The following PSD3 variants were observed in gnomAD, a reference collection of about 807,000 sequenced individuals.
PSD3 encodes the protein PH and SEC7 domain-containing protein 3.
A neutral mutation model predicts 105.5 loss-of-function variants in PSD3; 49 were observed. The observed-to-expected ratio is 0.46, with a 90% CI of 0.37 to 0.59. The LOEUF is 0.59. Among genes scored for constraint, PSD3 ranks in the 20% least tolerant of loss-of-function variants. PSD3 has a pLI of 0.00. For missense variants in PSD3, 1,561 were observed against 1,263.8 expected (o/e 1.24, Z -3.57); for synonymous variants, 557 against 457.8 (o/e 1.22, Z -2.77).
chr8:18,804,801 T>C lies in PSD3; in HGVS notation c.1732A>G (p.Thr578Ala). The C allele has an allele frequency of 1.2e-6, 2 of 1,614,094 alleles. No individual in the cohort carries two copies. The highest frequency in any genetic ancestry group is 1.7e-6 in the Non-Finnish European group (2 of 1,179,962). Reference sequence around the variant, plus strand: ...TTGGCTGCTTCCACATTGCTGCTGGTACCATTACTGAGATTTTCTGGGGTC... The same window carrying C: ...TTGGCTGCTTCCACATTGCTGCTGGCACCATTACTGAGATTTTCTGGGGTC... ...KETPENLSNG[T>A]SSNVEAAKRL... is the part of the protein sequence containing the mutation. The change falls in exon 5 of 16, where the codon ACC becomes GCC. Residue 578 changes from threonine (T) to alanine (A), a missense_variant. By Grantham distance (58) the Thr-to-Ala change is moderately conservative (BLOSUM62 0). Transcript: ENST00000327040.
At chr8:18,927,268 C>T (rs1821434562) in intron 2 of PSD3, among the ~76,000 whole-genome samples, 1 of 152,066 alleles carries the variant, frequency 6.6e-6, no homozygotes, top group Non-Finnish European at 1.5e-5. Flanking sequence ...GGCTGGGGTG[C>T]AAGGGCGCAA....
chr8:18,670,711 AT>A (rs1035213111), intron 9 of PSD3, among the ~76,000 whole-genome samples: 2 of 152,204 alleles, frequency 1.3e-5, no homozygotes, highest in South Asian at 2.1e-4. Context: ...ACATTAAGAG[AT>A]AAAGGAAAGA....
At chr8:18,718,907 A>T (rs1339867521) in intron 9 of PSD3, among the ~76,000 whole-genome samples, 1 of 152,182 alleles carries the variant, frequency 6.6e-6, no homozygotes, top group Non-Finnish European at 1.5e-5. Context: ...AAAAGCCAAG[A>T]CAACATTCAA....
At chr8:18,559,655 T>A (rs1801277220) in intron 14 of PSD3, among the ~76,000 whole-genome samples, 1 of 152,152 alleles carries the variant, frequency 6.6e-6, no homozygotes, top group African/African-American at 2.4e-5. Context: ...TTTGGATCTA[T>A]GCAAATATGC....
intron 9 of PSD3, among the ~76,000 whole-genome samples, chr8:18,691,816 C>A (rs1021924190): frequency 1.3e-5 from 2 of 152,176 alleles, no homozygotes; most frequent in Non-Finnish European, 2.9e-5. Context: ...TTGTGCTTCA[C>A]ATCAAAGACA....
Position 18,658,784 on chromosome 8 carries a change from G to C in PSD3, c.2173-3099C>G, listed in dbSNP as rs553015402. On this transcript the variant is annotated intron_variant, in intron 9 of 15. Coordinates refer to ENST00000327040, the MANE Select transcript of PSD3 (RefSeq NM_015310.4). ...TAAACACTACCTTAAGGGTAAGGAG[G>C]CCTAATAATTAATGTAGTCAGATCA... 1.0e-4 allele frequency among the ~76,000 whole-genome samples: 15 copies of C among 150,324 alleles called. No homozygotes were observed. The South Asian group carries it at 2.7e-3, about 27-fold the overall frequency.
intron 9 of PSD3, among the ~76,000 whole-genome samples, chr8:18,744,316 T>A (rs1485567634): frequency 1.3e-5 from 2 of 152,130 alleles, no homozygotes; most frequent in Non-Finnish European, 2.9e-5. Flanking sequence ...TTCCCCAAGG[T>A]CACAGAATTG....
At chr8:19,038,284 C>T (rs891885781) in intron 1 of PSD3, among the ~76,000 whole-genome samples, 2 of 152,110 alleles carry the variant, frequency 1.3e-5, no homozygotes, top group African/African-American at 4.8e-5. Flanking sequence ...TTTTATGTTC[C>T]TCTCTTACCG....
chr8:18,657,026 A>G (rs572904895), intron 9 of PSD3, among the ~76,000 whole-genome samples: 1 of 152,360 alleles, frequency 6.6e-6, no homozygotes, highest in East Asian at 1.9e-4. Context: ...TTTTCCTCAA[A>G]GAATGACTTG....
At chr8:18,882,428 T>A (rs1818167084) in intron 2 of PSD3, among the ~76,000 whole-genome samples, 1 of 152,106 alleles carries the variant, frequency 6.6e-6, no homozygotes, top group East Asian at 1.9e-4. Flanking sequence ...GGACCATGAA[T>A]GCATCAAGCA....
chr8:18,814,714 G>A (rs1156566672), intron 4 of PSD3, among the ~76,000 whole-genome samples: 1 of 152,164 alleles, frequency 6.6e-6, no homozygotes, highest in Non-Finnish European at 1.5e-5. Context: ...AAGCTTCTTT[G>A]GGCAAGGTAG....
chr8:18,606,081 G>T (rs892489777), intron 11 of PSD3, among the ~76,000 whole-genome samples: 1 of 152,122 alleles, frequency 6.6e-6, no homozygotes, highest in Non-Finnish European at 1.5e-5. Flanking sequence ...CTAAGCACAG[G>T]TTTCTTTAAT....
intron 9 of PSD3, chr8:18,730,250 T>C (rs193243781): frequency 6.6e-6 from 1 of 152,336 alleles, no homozygotes; most frequent in African/African-American, 2.4e-5. Flanking sequence ...CCTGACCTTC[T>C]AGGTATGAAG....
At chr8:18,578,322 T>C (rs1045514726) in intron 12 of PSD3, among the ~76,000 whole-genome samples, 14 of 152,132 alleles carry the variant, frequency 9.2e-5, no homozygotes, top group Non-Finnish European at 4.4e-5. Flanking sequence ...ATAAACATAG[T>C]TGTGCAGACT....
rs527309396 is a variant in PSD3, at chr8:18,687,966, G to A, written c.2173-32281C>T. ...TATTTTTTAGTAAAGATGGGGTTTC[G>A]CCATGTTGGCCAGGCTGGTCTTGAA... On this transcript the variant is annotated intron_variant, in intron 9 of 15. Transcript: ENST00000327040. Among the ~76,000 whole-genome samples, 152 of 152,014 alleles carry A rather than the reference G, an allele frequency of 1.0e-3. 1 individual carries two copies. Among genetic ancestry groups the A allele is most frequent in the South Asian group, 9.4e-3 (45 of 4,802 alleles).
At chr8:18,650,514 C>T (rs939501532) in intron 10 of PSD3, among the ~76,000 whole-genome samples, 38 of 152,168 alleles carry the variant, frequency 2.5e-4, no homozygotes, top group African/African-American at 9.2e-4. Flanking sequence ...TAGCAGAGAC[C>T]TTCCACAAGT....
At chr8:18,892,190 C>T (rs1009088704) in intron 2 of PSD3, among the ~76,000 whole-genome samples, 7 of 151,554 alleles carry the variant, frequency 4.6e-5, no homozygotes, top group African/African-American at 1.7e-4. Context: ...CACACACACA[C>T]ACAAACTTTA....
At chr8:18,759,159 G>A (rs555694570) in intron 9 of PSD3, among the ~76,000 whole-genome samples, 22 of 151,262 alleles carry the variant, frequency 1.5e-4, no homozygotes, top group Admixed American at 7.9e-4. Context: ...AAGGGAAGAC[G>A]TGCTAATTTC....
intron 1 of PSD3, among the ~76,000 whole-genome samples, chr8:19,047,123 G>T (rs1162343768): frequency 6.6e-6 from 1 of 152,150 alleles, no homozygotes; most frequent in Non-Finnish European, 1.5e-5. Flanking sequence ...AAATCTCTTT[G>T]CAGGAAGCAG....
Sources: gnomAD v4.1 joint callset for allele counts (sites outside exome capture counted in the v4.1 genomes callset) on GRCh38, gnomAD v4.1.1 for gene constraint, MANE v1.5 for transcripts, NCBI Gene and HGNC (gene_info 2026-07-23, HGNC 2026-07-21) for gene names.